The following ZFTRAF1 variants were observed in gnomAD, a reference collection of about 807,000 sequenced individuals.
ZFTRAF1 encodes the protein zinc finger TRAF-type-containing protein 1.
At chr8:144,454,388 ACACAGTTCC>A in the ZFTRAF1 span, 1 of 152,376 alleles carries the variant, frequency 6.6e-6, no homozygotes, top group African/African-American at 2.4e-5. Flanking sequence ...ACCTGAGCAG[ACACAGTTCC>A]CACAGCCCTG....
chr8:144,452,780 G>A, the ZFTRAF1 span, among the ~76,000 whole-genome samples: 1 of 152,244 alleles, frequency 6.6e-6, no homozygotes, highest in Non-Finnish European at 1.5e-5. Flanking sequence ...AAGGAAGAGT[G>A]CAAGCTTGAG....
chr8:144,460,590 G>C, the ZFTRAF1 span, among the ~76,000 whole-genome samples: 1 of 152,236 alleles, frequency 6.6e-6, no homozygotes, highest in Non-Finnish European at 1.5e-5. Flanking sequence ...CGAGATCCAA[G>C]AAAAAGTTCT....
At chr8:144,462,350 T>A in the ZFTRAF1 span, 1 of 496,078 alleles carries the variant, frequency 2.0e-6, no homozygotes, top group Non-Finnish European at 3.6e-6. Context: ...GAGCCGCTCC[T>A]CCAGTTTCCC....
chr8:144,461,923 G>A, the ZFTRAF1 span, among the ~76,000 whole-genome samples: 2 of 152,278 alleles, frequency 1.3e-5, no homozygotes, highest in South Asian at 4.1e-4. Context: ...AGCAGTTGCG[G>A]GCTAAGGATC....
the ZFTRAF1 span, among the ~76,000 whole-genome samples, chr8:144,458,975 C>A: frequency 1.3e-5 from 2 of 152,246 alleles, no homozygotes; most frequent in Non-Finnish European, 2.9e-5. Context: ...GGGAACAATG[C>A]GCAGTCCCTT....
At chr8:144,450,325 G>A in the ZFTRAF1 span, 14 of 688,428 alleles carry the variant, frequency 2.0e-5, no homozygotes, top group East Asian at 3.8e-4. Context: ...GGTGGACAGG[G>A]CAGCGGTGCT....
the ZFTRAF1 span, chr8:144,449,998 C>T: frequency 1.2e-5 from 3 of 249,472 alleles, no homozygotes; most frequent in Non-Finnish European, 2.4e-5. Flanking sequence ...CAGCAAGGCC[C>T]CCGCGCCCCG....
chr8:144,452,995 C>T, the ZFTRAF1 span, among the ~76,000 whole-genome samples: 1 of 152,238 alleles, frequency 6.6e-6, no homozygotes, highest in African/African-American at 2.4e-5. Flanking sequence ...ACAAAGAGCA[C>T]TGGAAGGCTA....
the ZFTRAF1 span, chr8:144,450,452 G>A: frequency 1.4e-6 from 1 of 718,244 alleles, no homozygotes; most frequent in Admixed American, 2.0e-5. Flanking sequence ...GCACTCCACG[G>A]AGTCAATGAT....
the ZFTRAF1 span, among the ~76,000 whole-genome samples, chr8:144,459,731 C>A: frequency 4.6e-5 from 7 of 152,216 alleles, no homozygotes; most frequent in Admixed American, 2.0e-4. Context: ...GGAGAACACA[C>A]AAAGCTCAGC....
the ZFTRAF1 span, chr8:144,451,399 CCACAGT>C: frequency 6.5e-6 from 1 of 153,976 alleles, no homozygotes; most frequent in African/African-American, 2.4e-5. Flanking sequence ...ACGGCCACAG[CCACAGT>C]GCCCCAGCCT....
the ZFTRAF1 span, among the ~76,000 whole-genome samples, chr8:144,458,784 C>T: frequency 1.3e-5 from 2 of 152,306 alleles, no homozygotes; most frequent in African/African-American, 2.4e-5. Context: ...CTGCCTCTGC[C>T]GGGCCCAAGA....
chr8:144,456,605 C>G, the ZFTRAF1 span: 1 of 152,296 alleles, frequency 6.6e-6, no homozygotes, highest in African/African-American at 2.4e-5. Flanking sequence ...TCCACAACCC[C>G]CCACGACCAA....
chr8:144,452,330 G>A, the ZFTRAF1 span: 3 of 1,544,760 alleles, frequency 1.9e-6, no homozygotes, highest in Non-Finnish European at 2.6e-6. Flanking sequence ...ACACCTGTGT[G>A]GCATGCAGCA....
At chr8:144,454,158 AGCAGGGCACCTCCC>A in the ZFTRAF1 span, 1 of 152,334 alleles carries the variant, frequency 6.6e-6, no homozygotes, top group Non-Finnish European at 1.5e-5. Flanking sequence ...GGCTGGCAGG[AGCAGGGCACCTCCC>A]GCTGGGCTCC....
chr8:144,458,622 G>A, the ZFTRAF1 span, among the ~76,000 whole-genome samples: 9 of 152,278 alleles, frequency 5.9e-5, no homozygotes, highest in African/African-American at 1.2e-4. Flanking sequence ...TCAATGGACT[G>A]TCAACATGTG....
chr8:144,461,520 G>A, the ZFTRAF1 span, among the ~76,000 whole-genome samples: 13 of 151,258 alleles, frequency 8.6e-5, no homozygotes, highest in Admixed American at 7.2e-4. Flanking sequence ...TGAAGATGGG[G>A]GAGGAGGGGT....
At chr8:144,452,492 C>T in the ZFTRAF1 span, 78 of 1,546,046 alleles carry the variant, frequency 5.0e-5, no homozygotes, top group African/African-American at 1.9e-4. Context: ...GGTGGGCGCA[C>T]GCAGCCTCGT....
the ZFTRAF1 span, chr8:144,453,543 C>A: frequency 1.2e-5 from 16 of 1,294,976 alleles, no homozygotes; most frequent in East Asian, 4.1e-4. Flanking sequence ...TCAGCTCCAG[C>A]CAGGTGTCCT....
Sources: gnomAD v4.1 joint callset for allele counts (sites outside exome capture counted in the v4.1 genomes callset) on GRCh38, gnomAD v4.1.1 for gene constraint, MANE v1.5 for transcripts, NCBI Gene and HGNC (gene_info 2026-07-23, HGNC 2026-07-21) for gene names.